The following IGLON5 variants were observed in gnomAD, a reference collection of about 807,000 sequenced individuals.
The protein encoded by IGLON5 is Ig-like domain-containing protein ENSP00000270642.
Under a neutral mutation model 38.2 loss-of-function variants are expected in IGLON5, and 16 were observed. That is an observed-to-expected ratio of 0.42 (90% confidence interval 0.28 to 0.64). IGLON5 has a LOEUF of 0.64. Ranked by LOEUF, IGLON5 falls within the 30% of genes least tolerant of loss-of-function variation. IGLON5 has a pLI of 0.23. For synonymous variants in IGLON5, 207 were observed against 216.4 expected (o/e 0.96, Z 0.38); for missense variants, 366 against 483.4 (o/e 0.76, Z 2.28).
chr19:51,313,663 C>CTCTCTCTT (rs1390285036), intron 1 of IGLON5, among the ~76,000 whole-genome samples: 7 of 72,146 alleles, frequency 9.7e-5, no homozygotes, highest in Admixed American at 7.7e-4. Flanking sequence ...TTCTTTCTTT[C>CTCTCTCTT]TTTCTTTCTT....
Position 51,327,944 on chromosome 19 carries a change from G to A in IGLON5, c.922+58G>A, listed in dbSNP as rs1985259777. 3.5e-6 allele frequency: 5 copies of A among 1,440,350 alleles called. No individual in the cohort carries two copies. Among genetic ancestry groups the A allele is most frequent in the African/African-American group, 2.9e-5 (2 of 68,710 alleles). The allele number at this position is 1,440,350 out of a possible 1,614,324, so 89.2% of individuals were successfully genotyped here. A position where few individuals can be genotyped will look rare whatever the true frequency, so the allele number is the denominator to read the frequency against. On this transcript the variant is annotated intron_variant, in intron 7 of 7. Transcript: ENST00000270642. The surrounding 1 kb of genome is among the most constrained non-coding windows in gnomAD (Gnocchi z 7.1). Reference sequence around the variant, plus strand: ...TGGGCGGGGCCGGGGGCGGGGCTAGGGAAGTGGAGACGCCGGGACCGCCCT... The same window carrying A: ...TGGGCGGGGCCGGGGGCGGGGCTAGAGAAGTGGAGACGCCGGGACCGCCCT...
At chr19:51,321,238 C>T (rs1228987657) in intron 1 of IGLON5, among the ~76,000 whole-genome samples, 2 of 152,082 alleles carry the variant, frequency 1.3e-5, no homozygotes, top group Non-Finnish European at 2.9e-5. Context: ...AGTGCAATGG[C>T]GTGATCTTGG....
In IGLON5 at chr19:51,323,646, C is replaced by T. The variant is rs759788969; in HGVS notation, c.159-16C>T. 3 of 1,596,162 alleles carry T rather than the reference C, an allele frequency of 1.9e-6. No individual in the cohort carries two copies. The highest frequency in any genetic ancestry group is 2.2e-5 in the South Asian group (2 of 90,008). On this transcript the variant is annotated splice_polypyrimidine_tract_variant and intron_variant, in intron 2 of 7. Transcript: ENST00000270642. Reference sequence around the variant, plus strand: ...GGGTGGGTGGAGAAAAACCTTCCCACTCATTCTCCCTGCAGCTGCTTCATC... The same window carrying T: ...GGGTGGGTGGAGAAAAACCTTCCCATTCATTCTCCCTGCAGCTGCTTCATC...
At chr19:51,320,473 G>A (rs1468405103) in intron 1 of IGLON5, among the ~76,000 whole-genome samples, 5 of 152,276 alleles carry the variant, frequency 3.3e-5, no homozygotes, top group East Asian at 3.9e-4. Flanking sequence ...CAGCTCCACC[G>A]CCTCCGCATG....
chr19:51,320,242 C>T (rs994573324), intron 1 of IGLON5, among the ~76,000 whole-genome samples: 5 of 152,204 alleles, frequency 3.3e-5, no homozygotes, highest in Non-Finnish European at 7.4e-5. Context: ...CCCCAAGCCC[C>T]AGAGCCTGCC....
At chr19:51,314,994 C>T (rs1161269216) in intron 1 of IGLON5, among the ~76,000 whole-genome samples, 1 of 151,998 alleles carries the variant, frequency 6.6e-6, no homozygotes, top group East Asian at 1.9e-4. Context: ...GATTTTTTTC[C>T]CCCAAAATAG....
In IGLON5 at chr19:51,323,933, G is replaced by A. The variant is rs759384593; in HGVS notation, c.391+39G>A. 17 of 1,426,914 alleles carry A rather than the reference G, an allele frequency of 1.2e-5. No homozygotes were observed. The Admixed American group carries it at 2.5e-4, about 21-fold the overall frequency. The allele number at this position is 1,426,914 out of a possible 1,614,324, so 88.4% of individuals were successfully genotyped here. On this transcript the variant is annotated intron_variant, in intron 3 of 7. Transcript: ENST00000270642. ...CGGGGCCTGGCTGGGTGGAGGGGTT[G>A]AGAGCGTGGGGGAGACTAGGCATGA...
chr19:51,328,503 AAG>A (rs1202646222), intron 7 of IGLON5, among the ~76,000 whole-genome samples, 166 bp from the exon 8 acceptor site: 2 of 134,300 alleles, frequency 1.5e-5, no homozygotes, highest in African/African-American at 7.2e-5. Flanking sequence ...GTCTCAAAAA[AAG>A]AAAAAAAAAA....
At chr19:51,314,657 C>T (rs1984870706) in intron 1 of IGLON5, among the ~76,000 whole-genome samples, 1 of 152,108 alleles carries the variant, frequency 6.6e-6, no homozygotes. Flanking sequence ...TGAGACAGAA[C>T]GAGATGCCAG....
rs1449074015 is a variant in IGLON5, at chr19:51,327,828, CTA to C, written c.867_868del (p.Thr290ValfsTer110). ...ACGTGAGCGCCCGGCATTACGGCAA[CTA>C]TACGTGTCGCGCCGCCAACCGACTG... ...ANVSARHYGN[Y>X]TCRAANRLGA... On this transcript the variant is annotated frameshift_variant, in exon 7 of 8. Transcript: ENST00000270642. LOFTEE classifies it high-confidence loss of function. The surrounding 1 kb of genome is among the most constrained non-coding windows in gnomAD (Gnocchi z 7.1). 2 of 1,550,228 alleles carry C rather than the reference CTA, an allele frequency of 1.3e-6. No homozygotes were observed. Among genetic ancestry groups the C allele is most frequent in the Non-Finnish European group, 1.7e-6 (2 of 1,147,930 alleles).
chr19:51,315,688 C>CTTTTTTTTTTTTTTTTTTTTTTTTTTT (rs756194855), intron 1 of IGLON5, among the ~76,000 whole-genome samples: 1 of 82,582 alleles, frequency 1.2e-5, no homozygotes, highest in African/African-American at 4.5e-5. Context: ...GGAAGTCAAC[C>CTTTTTTTTTTTTTTTTTTTTTTTTTTT]TTTTTTTTTT....
chr19:51,328,339 C>CAAAAAAAAAAAAAAAAAA (rs767807401), intron 7 of IGLON5, among the ~76,000 whole-genome samples: 26 of 124,138 alleles, frequency 2.1e-4, no homozygotes, highest in African/African-American at 8.6e-4. Flanking sequence ...ATGTCTCTAC[C>CAAAAAAAAAAAAAAAAAA]AAAAAAAAAA....
At chr19:51,326,572 T>G in intron 4 of IGLON5, among the ~76,000 whole-genome samples, 192 bp from the exon 5 acceptor site, 2 of 151,600 alleles carry the variant, frequency 1.3e-5, no homozygotes, top group Non-Finnish European at 1.5e-5. Flanking sequence ...ACCTCACTCC[T>G]TCCCCCACCC....
At chr19:51,326,299 G>A (rs1411372746) in intron 4 of IGLON5, among the ~76,000 whole-genome samples, 3 of 152,072 alleles carry the variant, frequency 2.0e-5, no homozygotes, top group African/African-American at 7.2e-5. Flanking sequence ...GCTGTGTTAT[G>A]AGACCCCCAT....
At chr19:51,326,980 G>A (rs1192629391) in intron 5 of IGLON5, 82 bp downstream of exon 5, 10 of 1,578,376 alleles carry the variant, frequency 6.3e-6, no homozygotes, top group Non-Finnish European at 7.7e-6. Context: ...AAGAGGAAGC[G>A]GGGGCGAGAC....
chr19:51,319,626 C>T (rs568132351), intron 1 of IGLON5, among the ~76,000 whole-genome samples: 3 of 151,996 alleles, frequency 2.0e-5, no homozygotes, highest in African/African-American at 7.3e-5. Context: ...CTGTTGATGT[C>T]GATGGAACCA....
intron 1 of IGLON5, among the ~76,000 whole-genome samples, chr19:51,319,525 C>T (rs1469739292): frequency 1.3e-5 from 2 of 151,762 alleles, no homozygotes; most frequent in African/African-American, 2.4e-5. Flanking sequence ...GTCTGTGTAA[C>T]CAGTTAGGTT....
chr19:51,328,225 G>A (rs1167629049), intron 7 of IGLON5, among the ~76,000 whole-genome samples: 1 of 152,062 alleles, frequency 6.6e-6, no homozygotes, highest in Admixed American at 6.5e-5. Context: ...TGGAGGCCGG[G>A]CGTGGTGGCT....
At chr19:51,328,609 A>C in intron 7 of IGLON5, 62 bp from the exon 8 acceptor site, 7 of 1,093,632 alleles carry the variant, frequency 6.4e-6, no homozygotes, top group Admixed American at 2.9e-5. Flanking sequence ...GGGCCCCTGG[A>C]GAGACACACA....
Sources: allele counts gnomAD v4.1 joint callset (sites outside exome capture counted in the v4.1 genomes callset), GRCh38; gene constraint gnomAD v4.1.1; non-coding constraint Gnocchi (gnomAD v3.1); transcripts MANE v1.5; gene names NCBI Gene and HGNC (gene_info 2026-07-23, HGNC 2026-07-21).